CNTNAP2: variants seen among roughly 807,000 people sequenced by gnomAD.
CNTNAP2 encodes the protein contactin-associated protein-like 2.
CNTNAP2 carries 98 observed loss-of-function variants against 155.2 expected under a neutral mutation model. The ratio of observed to expected loss-of-function variants is 0.63; its 90% CI spans 0.54 to 0.75. The LOEUF is 0.75. Among genes scored for constraint, CNTNAP2 ranks in the 30% least tolerant of loss-of-function variants. CNTNAP2 has a pLI of 0.00. For missense variants in CNTNAP2, 1,727 were observed against 1,688.1 expected (o/e 1.02, Z -0.40); for synonymous variants, 651 against 631.2 (o/e 1.03, Z -0.47).
intron 12 of CNTNAP2, among the ~76,000 whole-genome samples, chr7:147,563,890 G>A (rs966617494): frequency 2.6e-5 from 4 of 152,228 alleles, no homozygotes; most frequent in East Asian, 1.9e-4. Flanking sequence ...AGACACCAGC[G>A]AGGAACTCTC....
intron 1 of CNTNAP2, among the ~76,000 whole-genome samples, chr7:146,664,524 A>G (rs1299599055): frequency 1.3e-5 from 2 of 152,110 alleles, no homozygotes; most frequent in Non-Finnish European, 2.9e-5. Context: ...ACTTGGTATG[A>G]TACACTAAAT....
chr7:147,623,595 T>C (rs1794909975), intron 12 of CNTNAP2, among the ~76,000 whole-genome samples: 1 of 151,808 alleles, frequency 6.6e-6, no homozygotes, highest in Non-Finnish European at 1.5e-5. Context: ...ATGAAAGAAA[T>C]TGAGGAGAAC....
intron 9 of CNTNAP2, among the ~76,000 whole-genome samples, chr7:147,303,609 G>A (rs569606456): frequency 3.7e-4 from 57 of 152,268 alleles, no homozygotes; most frequent in African/African-American, 1.3e-3. Flanking sequence ...TCTAAAACAC[G>A]AGCTTTGGAA....
chr7:148,318,972 G>A (rs933360670), intron 21 of CNTNAP2, among the ~76,000 whole-genome samples: 1 of 152,192 alleles, frequency 6.6e-6, no homozygotes, highest in African/African-American at 2.4e-5. Flanking sequence ...CATTGGGAAA[G>A]GAATTACAAC....
intron 12 of CNTNAP2, among the ~76,000 whole-genome samples, chr7:147,624,875 A>G (rs1367645378): frequency 6.6e-6 from 1 of 152,190 alleles, no homozygotes; most frequent in African/African-American, 2.4e-5. Context: ...TCAACAGATG[A>G]GTGGATAAAG....
At chr7:146,971,974 G>A (rs1054168664) in intron 3 of CNTNAP2, among the ~76,000 whole-genome samples, 3 of 151,994 alleles carry the variant, frequency 2.0e-5, no homozygotes, top group Admixed American at 2.0e-4. Context: ...GTTCATCTTC[G>A]TGCATTTTCC....
Position 146,736,615 on chromosome 7 carries a change from G to A in CNTNAP2, c.98-37656G>A, listed in dbSNP as rs1801625156. On this transcript the variant is annotated intron_variant, in intron 1 of 23. Transcript: ENST00000361727. Reference sequence around the variant, plus strand: ...AAAGGGCAGAGATGATTCAGAGTGAGGCAGCTGCACTCCAGGGTTCCAGCT... The same window carrying A: ...AAAGGGCAGAGATGATTCAGAGTGAAGCAGCTGCACTCCAGGGTTCCAGCT... Among the ~76,000 whole-genome samples, 2 of 152,164 alleles carry A rather than the reference G, an allele frequency of 1.3e-5. 1 individual carries two copies. Among genetic ancestry groups the A allele is most frequent in the Admixed American group, 1.3e-4 (2 of 15,284 alleles).
At chr7:146,933,589 G>C (rs1362539430) in intron 3 of CNTNAP2, among the ~76,000 whole-genome samples, 1 of 148,082 alleles carries the variant, frequency 6.8e-6, no homozygotes, top group South Asian at 2.2e-4. Context: ...TTGACAAATG[G>C]GATCTAATTA....
At chr7:147,158,193 A>G (rs1056571844) in intron 8 of CNTNAP2, among the ~76,000 whole-genome samples, 26 of 152,092 alleles carry the variant, frequency 1.7e-4, no homozygotes, top group African/African-American at 6.0e-4. Context: ...CAAAACAAAT[A>G]ACTCTACATT....
intron 9 of CNTNAP2, among the ~76,000 whole-genome samples, chr7:147,303,786 C>A (rs557488167): frequency 1.6e-4 from 25 of 152,182 alleles, no homozygotes; most frequent in African/African-American, 6.0e-4. Flanking sequence ...TAAATGCTGA[C>A]TGACTTTCCA....
chr7:146,248,013 C>T (rs967029502), intron 1 of CNTNAP2, among the ~76,000 whole-genome samples: 3 of 149,710 alleles, frequency 2.0e-5, no homozygotes, highest in South Asian at 2.1e-4. Context: ...AATAAGGGAT[C>T]GGGGCACAGA....
intron 12 of CNTNAP2, among the ~76,000 whole-genome samples, chr7:147,597,226 TG>T (rs1218578397): frequency 6.6e-6 from 1 of 152,176 alleles, no homozygotes; most frequent in Non-Finnish European, 1.5e-5. Context: ...AATCCTCTCT[TG>T]GGGTCTGGAT....
chr7:148,328,114 C>T (rs1189436681), intron 21 of CNTNAP2, among the ~76,000 whole-genome samples: 1 of 152,208 alleles, frequency 6.6e-6, no homozygotes, highest in Non-Finnish European at 1.5e-5. Flanking sequence ...CAGATGAGAA[C>T]ACGCAGAGGC....
intron 1 of CNTNAP2, among the ~76,000 whole-genome samples, chr7:146,706,309 C>A (rs537861597): frequency 2.6e-5 from 4 of 152,076 alleles, no homozygotes; most frequent in African/African-American, 7.2e-5. Context: ...CCCTCAGCAA[C>A]TTTATAGCCC....
At chr7:147,820,892 A>G (rs1458385579) in intron 13 of CNTNAP2, among the ~76,000 whole-genome samples, 1 of 152,154 alleles carries the variant, frequency 6.6e-6, no homozygotes, top group Non-Finnish European at 1.5e-5. Flanking sequence ...TGGCAGTGTT[A>G]CAGTACCTTC....
chr7:148,396,426 C>T (rs924090758), intron 22 of CNTNAP2, among the ~76,000 whole-genome samples: 3 of 152,168 alleles, frequency 2.0e-5, no homozygotes, highest in Non-Finnish European at 4.4e-5. Context: ...GCACAACACC[C>T]TCTAAATTAT....
chr7:147,346,461 G>A (rs749539215), intron 9 of CNTNAP2, among the ~76,000 whole-genome samples: 3 of 152,134 alleles, frequency 2.0e-5, no homozygotes, highest in Non-Finnish European at 4.4e-5. Context: ...GCCCATAATC[G>A]AAGATTTTAA....
intron 8 of CNTNAP2, among the ~76,000 whole-genome samples, chr7:147,207,345 T>C (rs1041418734): frequency 2.0e-5 from 3 of 152,162 alleles, no homozygotes; most frequent in Non-Finnish European, 2.9e-5. Flanking sequence ...TTTGATGAGA[T>C]TGTATGCAGT....
rs376460265 is a variant in CNTNAP2, at chr7:148,369,181, C to CTTTTTTTTTTTT, written c.3476-14449_3476-14438dup. ...ATTTTTTTTAATTAAAATTGAATCC[C>CTTTTTTTTTTTT]TTTTTTTTTTTTTTTTTTTTTTTTT... is the stretch of plus-strand genomic sequence containing the variant. On this transcript the variant is annotated intron_variant, in intron 21 of 23. Coordinates refer to ENST00000361727, the MANE Select transcript of CNTNAP2 (RefSeq NM_014141.6). Among the ~76,000 whole-genome samples the CTTTTTTTTTTTT allele has an allele frequency of 8.7e-5, 8 of 92,306 alleles. 2 individuals carry two copies. Among genetic ancestry groups the CTTTTTTTTTTTT allele is most frequent in the Non-Finnish European group, 1.5e-4 (8 of 54,604 alleles). 60.6% of individuals were successfully genotyped at this position (92,306 alleles called of 152,430 possible).
Sources: gnomAD v4.1 joint callset for allele counts (sites outside exome capture counted in the v4.1 genomes callset) on GRCh38, gnomAD v4.1.1 for gene constraint, MANE v1.5 for transcripts, NCBI Gene and HGNC (gene_info 2026-07-23, HGNC 2026-07-21) for gene names.